PCDHGB2: variants seen among roughly 807,000 people sequenced by gnomAD.
PCDHGB2 encodes the protein protocadherin gamma subfamily B, 2.
In PCDHGB2, 55 loss-of-function variants were observed where a neutral mutation model predicts 59.3. The observed-to-expected ratio is 0.93, with a 90% CI of 0.75 to 1.16. The LOEUF (loss-of-function observed/expected upper bound fraction) is 1.16, where lower values mean the gene tolerates loss of function less well. PCDHGB2 is among the 50% of genes most tolerant of loss of function. The pLI is 0.00. For missense variants in PCDHGB2, 1,228 were observed against 1,198.5 expected (o/e 1.02, Z -0.36); for synonymous variants, 516 against 512.0 (o/e 1.01, Z -0.11).
chr5:141,366,392 G>A (rs1474350947), intron 1 of PCDHGB2: 24 of 1,614,020 alleles, frequency 1.5e-5, no homozygotes, highest in Non-Finnish European at 1.9e-5. Flanking sequence ...TGAGGATCTG[G>A]ACCTCACACT....
chr5:141,410,822 A>T (rs2095425246), intron 1 of PCDHGB2: 1 of 461,414 alleles, frequency 2.2e-6, no homozygotes, highest in Non-Finnish European at 3.6e-6. Flanking sequence ...AAATAATGTC[A>T]CCAGACTGAA....
intron 2 of PCDHGB2, among the ~76,000 whole-genome samples, chr5:141,503,275 C>T (rs1466636672): frequency 1.3e-5 from 2 of 152,108 alleles, no homozygotes; most frequent in Non-Finnish European, 2.9e-5. Context: ...GCACCTGGCT[C>T]TGTGTCTGGT....
chr5:141,409,879 A>C, intron 1 of PCDHGB2: 1 of 1,612,852 alleles, frequency 6.2e-7, no homozygotes. Context: ...ATGACAACGC[A>C]CCGCGGGTGC....
intron 1 of PCDHGB2, chr5:141,364,307 A>G: frequency 1.3e-6 from 2 of 1,522,550 alleles, no homozygotes; most frequent in Non-Finnish European, 1.8e-6. Context: ...CAGAACTAAG[A>G]GAAAATTGGG....
At chr5:141,394,610 C>T in intron 1 of PCDHGB2, 1 of 1,613,488 alleles carries the variant, frequency 6.2e-7, no homozygotes, top group African/African-American at 1.3e-5. Flanking sequence ...GAGACTCGGG[C>T]CAGAACGCCT....
chr5:141,462,852 T>C (rs1334709435), intron 1 of PCDHGB2, among the ~76,000 whole-genome samples: 1 of 152,202 alleles, frequency 6.6e-6, no homozygotes. Flanking sequence ...TTTTGAGTGT[T>C]TGGATTTTGT....
At position 141,490,118 on chromosome 5, in the gene PCDHGB2, T is replaced by G. The variant is rs1448768968; in HGVS notation, c.2422-4689T>G. The G allele has an allele frequency of 6.2e-7, 1 of 1,614,158 alleles. No individual in the cohort carries two copies. Among genetic ancestry groups the G allele is most frequent in the Non-Finnish European group, 8.5e-7 (1 of 1,180,048 alleles). On this transcript the variant is annotated intron_variant, in intron 1 of 3. Transcript: ENST00000522605. This position sits in a 1 kb window ranked among gnomAD's most constrained non-coding sequence, Gnocchi z 5.4. ...ACATCTGAGGCAGTGCGGAACCTCT[T>G]TGGCCTAGACCCTAGCAGTGGGGCA...
rs757755103 is a variant in PCDHGB2 at position 141,432,638 on chromosome 5, C to T, written c.2422-62169C>T. 1.2e-6 allele frequency: 2 copies of T among 1,613,810 alleles called. No homozygotes were observed. Among genetic ancestry groups the T allele is most frequent in the Non-Finnish European group, 8.5e-7 (1 of 1,179,930 alleles). ...GGTGGGTCTGCACACGGGCGAGGTG[C>T]GCACGGCGCGAGCCCTGCTGGACAG... is the stretch of plus-strand genomic sequence containing the variant. On this transcript the variant is annotated intron_variant, in intron 1 of 3. Transcript: ENST00000522605. The surrounding 1 kb of genome is among the most constrained non-coding windows in gnomAD (Gnocchi z 6.0).
At chr5:141,405,029 C>T in intron 1 of PCDHGB2, 1 of 1,613,976 alleles carries the variant, frequency 6.2e-7, no homozygotes, top group Non-Finnish European at 8.5e-7. Flanking sequence ...TACCCTCTAC[C>T]TCGTTGTGGC....
chr5:141,365,825 G>A (rs772088278), intron 1 of PCDHGB2: 1 of 1,613,942 alleles, frequency 6.2e-7, no homozygotes, highest in South Asian at 1.1e-5. Context: ...ATTTCAGGGG[G>A]CGCCCTTGTC....
chr5:141,498,105 G>C (rs150297456), intron 2 of PCDHGB2, among the ~76,000 whole-genome samples: 1 of 152,324 alleles, frequency 6.6e-6, no homozygotes, highest in East Asian at 1.9e-4. Flanking sequence ...TGGTGTGGGC[G>C]TATAATAGGG....
chr5:141,371,107 A>G (rs202073589), intron 1 of PCDHGB2: 391 of 1,613,532 alleles, frequency 2.4e-4, no homozygotes, highest in Non-Finnish European at 3.2e-4. Flanking sequence ...GCAAATGATA[A>G]CCCCCCAGTA....
intron 1 of PCDHGB2, among the ~76,000 whole-genome samples, chr5:141,475,204 A>G (rs2099360413): frequency 6.6e-6 from 1 of 152,176 alleles, no homozygotes; most frequent in African/African-American, 2.4e-5. Flanking sequence ...AGATCTTGGG[A>G]AAAGGATTGA....
At position 141,375,466 on chromosome 5, in the gene PCDHGB2, C is replaced by G. The variant is rs569300391; in HGVS notation, c.2421+12910C>G. On this transcript the variant is annotated intron_variant, in intron 1 of 3. Coordinates refer to ENST00000522605, the MANE Select transcript of PCDHGB2 (RefSeq NM_018923.3). ...CCCATTCATCCTACTCAGTCTATGT[C>G]CTTGAAAACAACCCCAGGGGTGCCT... The G allele has an allele frequency of 2.5e-6, 4 of 1,614,016 alleles. No individual in the cohort carries two copies. In the African/African-American group the frequency reaches 4.0e-5, roughly 16 times the overall value.
rs200877911 is a variant in PCDHGB2 at position 141,477,977 on chromosome 5, A to G, written c.2422-16830A>G. ...ATCCCCTAACCAGAGCCTTTTTGCC[A>G]TAGGGCTGCACACTGGTCAAATCAG... On this transcript the variant is annotated intron_variant, in intron 1 of 3. Coordinates refer to ENST00000522605, the MANE Select transcript of PCDHGB2 (RefSeq NM_018923.3). The surrounding 1 kb of genome is among the most constrained non-coding windows in gnomAD (Gnocchi z 4.9). 5 of 1,614,092 alleles carry G rather than the reference A, an allele frequency of 3.1e-6. No individual in the cohort carries two copies. The East Asian group carries it at 6.7e-5, about 22-fold the overall frequency.
At chr5:141,461,082 T>C (rs2099008648) in intron 1 of PCDHGB2, among the ~76,000 whole-genome samples, 1 of 152,070 alleles carries the variant, frequency 6.6e-6, no homozygotes, top group South Asian at 2.1e-4. Flanking sequence ...AATTGTGAAT[T>C]GTGCTGCTAT....
intron 1 of PCDHGB2, among the ~76,000 whole-genome samples, chr5:141,443,016 G>T (rs1325670377): frequency 6.6e-6 from 1 of 152,204 alleles, no homozygotes; most frequent in East Asian, 1.9e-4. Context: ...TATGACTAAT[G>T]GAAGTTGCCA....
chr5:141,404,133 T>C, intron 1 of PCDHGB2: 1 of 1,613,108 alleles, frequency 6.2e-7, no homozygotes, highest in Non-Finnish European at 8.5e-7. Flanking sequence ...TCTTTTACAT[T>C]AGAAAATTCA....
Position 141,362,404 on chromosome 5 carries a change from G to A in PCDHGB2, c.2269G>A (p.Ala757Thr). 6.2e-7 allele frequency: 1 copy of A among 1,614,000 alleles called. No homozygotes were observed. Residue 757 changes from alanine to threonine, a missense_variant, in exon 1 of 4, where the codon GCC (alanine) becomes ACC (threonine). This residue lies in a region of PCDHGB2 where 433 missense variants were observed against 441.8 expected (regional missense o/e 0.98). Coordinates refer to ENST00000522605, the MANE Select transcript of PCDHGB2 (RefSeq NM_018923.3). Reference protein sequence around the residue: ...TLPYSYNLCVASQSAKTEFNF... With the variant: ...TLPYSYNLCVTSQSAKTEFNF... ...GCCCTATTCCTACAACCTGTGTGTTGCCTCACAATCAGCCAAGACAGAGTT... is the reference window on the plus strand; with the variant it reads ...GCCCTATTCCTACAACCTGTGTGTTACCTCACAATCAGCCAAGACAGAGTT...
Sources: allele counts gnomAD v4.1 joint callset (sites outside exome capture counted in the v4.1 genomes callset), GRCh38; gene constraint gnomAD v4.1.1; regional missense constraint gnomAD v4.1.1; non-coding constraint Gnocchi (gnomAD v3.1); transcripts MANE v1.5; gene names NCBI Gene and HGNC (gene_info 2026-07-23, HGNC 2026-07-21).